The following SLC4A4 variants were observed in gnomAD, a reference collection of about 807,000 sequenced individuals.
SLC4A4 encodes electrogenic sodium bicarbonate cotransporter 1.
SLC4A4 carries 27 observed loss-of-function variants against 111.5 expected under a neutral mutation model. The ratio of observed to expected loss-of-function variants is 0.24; its 90% confidence interval spans 0.18 to 0.33. The LOEUF (loss-of-function observed/expected upper bound fraction) is 0.33. SLC4A4 is among the 10% of genes least tolerant of loss of function. SLC4A4 has a pLI of 1.00. For synonymous variants in SLC4A4, 443 were observed against 463.4 expected (o/e 0.96, Z 0.57); for missense variants, 909 against 1,315.5 (o/e 0.69, Z 4.78).
At chr4:71,276,182 G>A (rs965619157) in intron 3 of SLC4A4, among the ~76,000 whole-genome samples, 3 of 152,140 alleles carry the variant, frequency 2.0e-5, no homozygotes, top group Admixed American at 2.0e-4. Context: ...TAGATTTGTA[G>A]GAAGTTGTGA....
rs1034167684 is a variant in SLC4A4, at chr4:71,347,727, A to C, written c.390-2185A>C. Reference sequence around the variant, plus strand: ...TTTTAAGTAATAGAATTGGCAGTACAGGCTGTTGGCAGCTGATAGAAGTGG... The same window carrying C: ...TTTTAAGTAATAGAATTGGCAGTACCGGCTGTTGGCAGCTGATAGAAGTGG... On this transcript the variant is annotated intron_variant, in intron 4 of 25. Transcript: ENST00000264485. 2.0e-5 allele frequency among the ~76,000 whole-genome samples: 3 copies of C among 152,174 alleles called. No homozygotes were observed. In the East Asian group the frequency reaches 5.8e-4, roughly 29 times the overall value.
At chr4:71,454,235 T>G (rs1003537467) in intron 12 of SLC4A4, among the ~76,000 whole-genome samples, 7 of 152,224 alleles carry the variant, frequency 4.6e-5, no homozygotes, top group African/African-American at 1.7e-4. Context: ...TTTTGTATGA[T>G]TAATTGTAAC....
intron 6 of SLC4A4, among the ~76,000 whole-genome samples, chr4:71,360,678 A>G (rs1478435481): frequency 2.0e-5 from 3 of 152,182 alleles, no homozygotes; most frequent in Non-Finnish European, 4.4e-5. Flanking sequence ...GCCAGCTAGC[A>G]TAACCATATG....
intron 2 of SLC4A4, among the ~76,000 whole-genome samples, chr4:71,171,813 G>C (rs549082668): frequency 4.6e-5 from 7 of 152,264 alleles, no homozygotes; most frequent in Admixed American, 4.6e-4. Context: ...CTTTTGAATA[G>C]TTGTTTCTCT....
intron 1 of SLC4A4, among the ~76,000 whole-genome samples, chr4:71,066,089 G>A (rs1182647921): frequency 1.3e-5 from 2 of 152,036 alleles, no homozygotes; most frequent in East Asian, 3.9e-4. Flanking sequence ...CAAAATAATA[G>A]CTGTCATTTA....
At chr4:71,526,580 G>A (rs7677549) in intron 16 of SLC4A4, among the ~76,000 whole-genome samples, 91,128 of 151,832 alleles carry the variant, frequency 0.6, 29,300 homozygotes, top group Non-Finnish European at 0.73. Flanking sequence ...CATATTATAC[G>A]TATCATTAAC....
intron 13 of SLC4A4, among the ~76,000 whole-genome samples, chr4:71,471,750 A>C (rs1727890847): frequency 6.6e-6 from 1 of 151,930 alleles, no homozygotes; most frequent in South Asian, 2.1e-4. Context: ...CAGAGTTGTG[A>C]ATCTTGAACT....
chr4:71,534,143 A>G, intron 17 of SLC4A4, 84 bp from the exon 18 acceptor site: 1 of 1,117,622 alleles, frequency 8.9e-7, no homozygotes, highest in South Asian at 1.3e-5. Flanking sequence ...CAAATATAAA[A>G]GCATGTCTTC....
chr4:71,552,459 T>A lies in SLC4A4; in HGVS notation c.2695-2681T>A, dbSNP rs117120500. On this transcript the variant is annotated intron_variant, in intron 20 of 25. Transcript: ENST00000264485. The stretch of plus-strand genomic sequence containing the variant: ...GAATTCTGGTTGGACAACTACACTC[T>A]ACCCTTATTTTTAAATTTACCCTTT... 4.3e-4 allele frequency among the ~76,000 whole-genome samples: 65 copies of A among 151,962 alleles called. 1 individual carries two copies. The East Asian group carries it at 0.011, about 26-fold the overall frequency.
At chr4:71,253,226 T>G (rs1325234442) in intron 2 of SLC4A4, among the ~76,000 whole-genome samples, 1 of 152,174 alleles carries the variant, frequency 6.6e-6, no homozygotes, top group Non-Finnish European at 1.5e-5. Context: ...CTCTCTGAAC[T>G]GGCCTAACTC....
intron 3 of SLC4A4, chr4:71,300,425 G>T: frequency 8.6e-6 from 2 of 233,038 alleles, no homozygotes; most frequent in South Asian, 7.7e-5. Context: ...TGTGCTTCAT[G>T]ACAGCGGACA....
chr4:71,528,231 A>C (rs536755039), intron 16 of SLC4A4, among the ~76,000 whole-genome samples: 24 of 152,218 alleles, frequency 1.6e-4, no homozygotes, highest in Admixed American at 4.6e-4. Context: ...TGTCCATGTA[A>C]TATGAGGTTT....
chr4:71,121,156 C>T (rs931995182), intron 2 of SLC4A4, among the ~76,000 whole-genome samples: 3 of 152,178 alleles, frequency 2.0e-5, no homozygotes, highest in Non-Finnish European at 4.4e-5. Flanking sequence ...CCTCAGCTGC[C>T]TCCCCACAGG....
intron 2 of SLC4A4, among the ~76,000 whole-genome samples, chr4:71,123,017 T>G (rs901503227): frequency 6.6e-6 from 1 of 151,638 alleles, no homozygotes; most frequent in East Asian, 1.9e-4. Context: ...CAAGATAAAA[T>G]GAAAAGATAA....
At chr4:71,095,717 G>C (rs1197850749) in intron 2 of SLC4A4, among the ~76,000 whole-genome samples, 7 of 152,126 alleles carry the variant, frequency 4.6e-5, no homozygotes. Context: ...TACTGTCATA[G>C]AGCTTATGGC....
At chr4:71,524,386 G>C (rs548062102) in intron 16 of SLC4A4, among the ~76,000 whole-genome samples, 2 of 152,234 alleles carry the variant, frequency 1.3e-5, no homozygotes, top group African/African-American at 4.8e-5. Context: ...GATTGCCAAA[G>C]TCTCCTCAGC....
At chr4:71,547,825 T>G in intron 20 of SLC4A4, 105 bp downstream of exon 20, 1 of 969,580 alleles carries the variant, frequency 1.0e-6, no homozygotes, top group South Asian at 1.3e-5. Flanking sequence ...TTCTCATCAG[T>G]TCTGTAACAC....
At chr4:71,335,041 A>T (rs758329009) in intron 3 of SLC4A4, among the ~76,000 whole-genome samples, 1 of 152,130 alleles carries the variant, frequency 6.6e-6, no homozygotes, top group Non-Finnish European at 1.5e-5. Context: ...GACACAAAGA[A>T]GGGAACAGAC....
intron 14 of SLC4A4, among the ~76,000 whole-genome samples, chr4:71,478,851 T>A (rs1478444647): frequency 6.6e-6 from 1 of 151,802 alleles, no homozygotes; most frequent in Non-Finnish European, 1.5e-5. Flanking sequence ...TGTTAATTGC[T>A]TTTTGAATGA....
Sources: gnomAD v4.1 joint callset for allele counts (sites outside exome capture counted in the v4.1 genomes callset) on GRCh38, gnomAD v4.1.1 for gene constraint, MANE v1.5 for transcripts, NCBI Gene and HGNC (gene_info 2026-07-23, HGNC 2026-07-21) for gene names.